The following CACNB2 variants were observed in gnomAD, a reference collection of about 807,000 sequenced individuals.
CACNB2 encodes calcium voltage-gated channel auxiliary subunit beta 2, also known as voltage-dependent L-type calcium channel subunit beta-2.
CACNB2 carries 42 observed loss-of-function variants against 73.3 expected under a neutral mutation model. That is an observed-to-expected ratio of 0.57 (90% CI 0.45 to 0.74). CACNB2 has a LOEUF of 0.74. Among genes scored for constraint, CACNB2 ranks in the 30% least tolerant of loss-of-function variants. The pLI, the probability that CACNB2 is intolerant of heterozygous loss-of-function variation, is 0.00. For missense variants in CACNB2, 940 were observed against 853.0 expected, an observed-to-expected ratio of 1.10 and a Z score of -1.27; for synonymous variants, 348 against 310.3, an observed-to-expected ratio of 1.12 and a Z score of -1.28.
intron 1 of CACNB2, chr10:18,141,223 CGGGTGGGCGGGAGGGG>C: frequency 2.8e-6 from 1 of 358,724 alleles, no homozygotes; most frequent in Non-Finnish European, 5.6e-6. Context: ...ATCGTGAGTC[CGGGTGGGCGGGAGGGG>C]GCCCGCTTCC....
chr10:18,514,451 C>T, intron 7 of CACNB2, 82 bp downstream of exon 7: 1 of 1,613,792 alleles, frequency 6.2e-7, no homozygotes. Flanking sequence ...CTGTCTGCGT[C>T]CTTTGATAAG....
chr10:18,273,762 T>C (rs996836020), intron 2 of CACNB2, among the ~76,000 whole-genome samples: 4 of 152,226 alleles, frequency 2.6e-5, no homozygotes, highest in Non-Finnish European at 4.4e-5. Flanking sequence ...ATTGGCAACT[T>C]ACTGAATTAT....
chr10:18,186,565 T>A (rs531710283), intron 2 of CACNB2, among the ~76,000 whole-genome samples: 28 of 151,968 alleles, frequency 1.8e-4, no homozygotes, highest in Non-Finnish European at 3.8e-4. Flanking sequence ...AAACTTACAG[T>A]CATGGTGGAA....
At chr10:18,433,760 A>T (rs1346672160) in intron 3 of CACNB2, among the ~76,000 whole-genome samples, 3 of 152,228 alleles carry the variant, frequency 2.0e-5, no homozygotes, top group Non-Finnish European at 2.9e-5. Flanking sequence ...ACATTACAAA[A>T]ATAAGAATTA....
chr10:18,329,064 T>C (rs2040696694), intron 2 of CACNB2, among the ~76,000 whole-genome samples: 2 of 152,208 alleles, frequency 1.3e-5, no homozygotes, highest in Admixed American at 1.3e-4. Flanking sequence ...CATGGATGCA[T>C]TATTTTCTCG....
intron 2 of CACNB2, among the ~76,000 whole-genome samples, chr10:18,338,887 T>C (rs1213597835): frequency 1.3e-4 from 19 of 151,736 alleles, no homozygotes; most frequent in Non-Finnish European, 5.9e-5. Flanking sequence ...CACAGGCACA[T>C]GCCACCATGC....
At chr10:18,446,882 C>G (rs1245106750) in intron 3 of CACNB2, among the ~76,000 whole-genome samples, 1 of 151,992 alleles carries the variant, frequency 6.6e-6, no homozygotes, top group Non-Finnish European at 1.5e-5. Context: ...TTGGGCAATA[C>G]AGTGAGACCC....
intron 1 of CACNB2, among the ~76,000 whole-genome samples, chr10:18,147,619 C>T (rs74120233): frequency 2.0e-5 from 3 of 152,032 alleles, no homozygotes; most frequent in Non-Finnish European, 2.9e-5. Flanking sequence ...AGATATTGGG[C>T]GTTCATATAT....
chr10:18,250,531 CTCTT>C (rs558530855), intron 2 of CACNB2, among the ~76,000 whole-genome samples: 2 of 143,974 alleles, frequency 1.4e-5, no homozygotes, highest in African/African-American at 2.5e-5. Context: ...TTTTATCTCT[CTCTT>C]TTTTTTTTTT....
At chr10:18,194,077 A>T (rs997281479) in intron 2 of CACNB2, among the ~76,000 whole-genome samples, 1 of 152,120 alleles carries the variant, frequency 6.6e-6, no homozygotes, top group South Asian at 2.1e-4. Context: ...GAAGGAGTTG[A>T]GTATGAAGGA....
chr10:18,225,674 C>T (rs2035965138), intron 2 of CACNB2, among the ~76,000 whole-genome samples: 1 of 150,964 alleles, frequency 6.6e-6, no homozygotes, highest in Admixed American at 6.6e-5. Flanking sequence ...GGGTCTCCCT[C>T]TGTCACCCAG....
At chr10:18,304,294 G>A (rs2039642969) in intron 2 of CACNB2, among the ~76,000 whole-genome samples, 1 of 152,062 alleles carries the variant, frequency 6.6e-6, no homozygotes, top group African/African-American at 2.4e-5. Context: ...AAGTCATGGT[G>A]GCAGTGGACA....
intron 7 of CACNB2, chr10:18,515,150 G>A (rs903974368): frequency 5.9e-5 from 52 of 888,570 alleles, no homozygotes; most frequent in African/African-American, 9.9e-5. Context: ...GTGGTCATGC[G>A]TAGAGCCTTT....
At chr10:18,535,190 G>A (rs560294683) in intron 11 of CACNB2, among the ~76,000 whole-genome samples, 26 of 152,316 alleles carry the variant, frequency 1.7e-4, no homozygotes, top group African/African-American at 6.0e-4. Context: ...CCAATGGAAT[G>A]TCATGGAGTA....
intron 3 of CACNB2, among the ~76,000 whole-genome samples, chr10:18,430,128 T>C (rs879679211): frequency 2.4e-5 from 1 of 41,976 alleles, no homozygotes; most frequent in African/African-American, 1.6e-4. Flanking sequence ...ATCAAGAAGA[T>C]GTTAAAAAAA....
chr10:18,249,399 A>G (rs1287193144), intron 2 of CACNB2, among the ~76,000 whole-genome samples: 2 of 152,062 alleles, frequency 1.3e-5, no homozygotes, highest in African/African-American at 4.8e-5. Flanking sequence ...AGAAAAAAAA[A>G]TGTCTTATTC....
chr10:18,418,735 T>C (rs1052267604), intron 3 of CACNB2, among the ~76,000 whole-genome samples: 3 of 152,214 alleles, frequency 2.0e-5, no homozygotes, highest in African/African-American at 7.2e-5. Flanking sequence ...GGTCTATAAA[T>C]GTGTTCTGAC....
At chr10:18,475,663 A>T (rs938526949) in intron 3 of CACNB2, among the ~76,000 whole-genome samples, 33 of 152,106 alleles carry the variant, frequency 2.2e-4, no homozygotes, top group African/African-American at 8.0e-4. Flanking sequence ...ACCAGTACTA[A>T]ACTGGCAGAA....
chr10:18,481,276 T>C (rs1053117048), intron 3 of CACNB2, among the ~76,000 whole-genome samples: 1 of 123,596 alleles, frequency 8.1e-6, no homozygotes, highest in African/African-American at 3.1e-5. Flanking sequence ...AGACAGAGTC[T>C]TGCTCTGTCT....
Sources: gnomAD v4.1 joint callset for allele counts (sites outside exome capture counted in the v4.1 genomes callset) on GRCh38, gnomAD v4.1.1 for gene constraint, MANE v1.5 for transcripts, NCBI Gene and HGNC (gene_info 2026-07-23, HGNC 2026-07-21) for gene names.